KPNA7: variants seen among roughly 807,000 people sequenced by gnomAD.
KPNA7 encodes the protein importin subunit alpha-8.
Under a neutral mutation model 53.7 loss-of-function variants are expected in KPNA7, and 54 were observed. The ratio of observed to expected loss-of-function variants is 1.01; its 90% CI spans 0.81 to 1.26. The LOEUF (loss-of-function observed/expected upper bound fraction) is 1.26. Among genes scored for constraint, KPNA7 ranks in the 50% most tolerant of loss-of-function variants. The pLI is 0.00. For synonymous variants in KPNA7, 276 were observed against 259.3 expected, an observed-to-expected ratio of 1.06 and a Z score of -0.62; for missense variants, 640 against 644.5, an observed-to-expected ratio of 0.99 and a Z score of 0.07.
chr7:99,187,050 G>T (rs1789630723), intron 7 of KPNA7, among the ~76,000 whole-genome samples: 2 of 152,100 alleles, frequency 1.3e-5, no homozygotes, highest in African/African-American at 4.8e-5. Flanking sequence ...ACTTTGGGAG[G>T]CTGAGGTGGG....
intron 1 of KPNA7, among the ~76,000 whole-genome samples, chr7:99,214,635 A>AGAGGG (rs142595225): frequency 1.3e-3 from 4 of 2,986 alleles, no homozygotes; most frequent in African/African-American, 1.5e-3. Flanking sequence ...TTCAAAGGAA[A>AGAGGG]GAGGGGAGGG....
chr7:99,168,914 G>T (rs559443536), downstream of KPNA7, among the ~76,000 whole-genome samples: 1 of 152,202 alleles, frequency 6.6e-6, no homozygotes, highest in East Asian at 1.9e-4. Flanking sequence ...ATGTAACCAC[G>T]GTGGCTCACA....
chr7:99,208,412 C>G (rs553066360), upstream of KPNA7, among the ~76,000 whole-genome samples: 1 of 152,160 alleles, frequency 6.6e-6, no homozygotes, highest in African/African-American at 2.4e-5. Context: ...CCTGCCACCA[C>G]GCTCAGCAAA....
chr7:99,184,886 T>C, intron 8 of KPNA7, 43 bp downstream of exon 8: 4 of 1,498,570 alleles, frequency 2.7e-6, no homozygotes, highest in Non-Finnish European at 2.7e-6. Context: ...CCAGGGCTAT[T>C]GGAAAGTAGT....
chr7:99,210,412 G>C (rs1276210453), upstream of KPNA7, among the ~76,000 whole-genome samples: 1 of 152,150 alleles, frequency 6.6e-6, no homozygotes, highest in Non-Finnish European at 1.5e-5. Flanking sequence ...ACAGTACTGT[G>C]TCTTAGGCAG....
intron 6 of KPNA7, among the ~76,000 whole-genome samples, chr7:99,192,046 C>T (rs892511156): frequency 6.6e-6 from 1 of 152,140 alleles, no homozygotes; most frequent in Non-Finnish European, 1.5e-5. Flanking sequence ...CAATCAATAA[C>T]CACAAATCAA....
chr7:99,189,474 A>C (rs78392175), intron 6 of KPNA7, among the ~76,000 whole-genome samples: 2 of 150,440 alleles, frequency 1.3e-5, no homozygotes, highest in East Asian at 2.0e-4. Flanking sequence ...CCCCCAAATC[A>C]CTCCCACCAG....
At chr7:99,199,260 C>A (rs1027196036) in intron 3 of KPNA7, among the ~76,000 whole-genome samples, 1 of 151,770 alleles carries the variant, frequency 6.6e-6, no homozygotes, top group Admixed American at 6.6e-5. Flanking sequence ...TTTTAAAATT[C>A]ATATGGAAAT....
the KPNA7 span, among the ~76,000 whole-genome samples, chr7:99,146,660 C>T: frequency 8.6e-5 from 11 of 127,680 alleles, no homozygotes; most frequent in East Asian, 1.6e-3. Context: ...TGCAGTGAGG[C>T]GAGATTGTGC....
At chr7:99,207,991 C>T (rs1296229348) in intron 1 of KPNA7, among the ~76,000 whole-genome samples, 37 bp downstream of exon 1, 2 of 151,818 alleles carry the variant, frequency 1.3e-5, no homozygotes, top group African/African-American at 4.8e-5. Context: ...CCCATATACA[C>T]AGCACAGACT....
chr7:99,193,585 A>G (rs1584294074), intron 5 of KPNA7, among the ~76,000 whole-genome samples: 1 of 152,302 alleles, frequency 6.6e-6, no homozygotes, highest in East Asian at 1.9e-4. Flanking sequence ...ATCACATTGT[A>G]CCATCCAGTC....
In KPNA7 at chr7:99,173,710, A is replaced by G; in HGVS notation, c.1549T>C (p.Ter517GlnextTer13). 1 of 1,548,690 alleles carries G rather than the reference A, an allele frequency of 6.5e-7. No individual in the cohort carries two copies. The highest frequency in any genetic ancestry group is 8.7e-7 in the Non-Finnish European group (1 of 1,144,356). ...FIDYECLAKK[*>Q] Reference sequence around the variant, plus strand: ...GGTTTAGGAGGTAGGGAGCTTGGCTATTTTTTTGCTAAGCATTCATAATCT... The same window carrying G: ...GGTTTAGGAGGTAGGGAGCTTGGCTGTTTTTTTGCTAAGCATTCATAATCT... Residue 517 changes from the stop codon to glutamine (Q), a stop_lost, in exon 11 of 11, where the codon TAG (stop) becomes CAG (glutamine). Transcript: ENST00000327442.
Position 99,188,287 on chromosome 7 carries a change from G to C in KPNA7, c.900+13C>G. 3.9e-6 allele frequency: 6 copies of C among 1,549,034 alleles called. No individual in the cohort carries two copies. The Middle Eastern group carries it at 5.1e-4, about 131-fold the overall frequency. On this transcript the variant is annotated intron_variant, in intron 7 of 10. Transcript: ENST00000327442. ...CGAGGACTCGAATCCACAGGGCCCAGGATTGCATTTACCAAGACATTGAGT... is the reference window on the plus strand; with the variant it reads ...CGAGGACTCGAATCCACAGGGCCCACGATTGCATTTACCAAGACATTGAGT...
intron 1 of KPNA7, among the ~76,000 whole-genome samples, chr7:99,218,873 C>T (rs978472034): frequency 6.6e-6 from 1 of 152,260 alleles, no homozygotes; most frequent in Non-Finnish European, 1.5e-5. Flanking sequence ...AATACCCAGA[C>T]AGAAGGACTC....
intron 10 of KPNA7, among the ~76,000 whole-genome samples, chr7:99,175,721 C>A (rs575519984): frequency 2.0e-4 from 30 of 151,868 alleles, no homozygotes; most frequent in African/African-American, 7.2e-4. Flanking sequence ...GCCATGTTGG[C>A]CAGGCTGGTC....
At chr7:99,172,165 G>A (rs1384142181), downstream of KPNA7, among the ~76,000 whole-genome samples, 2 of 152,070 alleles carry the variant, frequency 1.3e-5, no homozygotes, top group African/African-American at 2.4e-5. Context: ...AGAAAGGGAG[G>A]TATAAAAAAA....
At chr7:99,165,834 G>A in the KPNA7 span, among the ~76,000 whole-genome samples, 1 of 152,122 alleles carries the variant, frequency 6.6e-6, no homozygotes, top group African/African-American at 2.4e-5. Context: ...TCAGGTAACT[G>A]GGTGATAGGG....
intron 4 of KPNA7, 38 bp downstream of exon 4, chr7:99,196,046 C>G (rs1462949198): frequency 6.6e-7 from 1 of 1,520,200 alleles, no homozygotes; most frequent in Non-Finnish European, 8.9e-7. Flanking sequence ...TCATTGCTAA[C>G]TATGAACCTG....
chr7:99,156,312 A>G, the KPNA7 span, among the ~76,000 whole-genome samples: 5 of 152,176 alleles, frequency 3.3e-5, no homozygotes, highest in African/African-American at 4.8e-5. Flanking sequence ...GAATTTTTCT[A>G]TCATTCAGAG....
Sources: gnomAD v4.1 joint callset for allele counts (sites outside exome capture counted in the v4.1 genomes callset) on GRCh38, gnomAD v4.1.1 for gene constraint, MANE v1.5 for transcripts, NCBI Gene and HGNC (gene_info 2026-07-23, HGNC 2026-07-21) for gene names.